The following LINGO2 variants were observed in gnomAD, a reference collection of about 807,000 sequenced individuals.
LINGO2 encodes the protein leucine rich repeat and Ig domain containing 2.
LINGO2 carries 14 observed loss-of-function variants against 30.6 expected under a neutral mutation model. The ratio of observed to expected loss-of-function variants is 0.46; its 90% CI spans 0.30 to 0.72. LINGO2 has a LOEUF of 0.72. Ranked by LOEUF, LINGO2 falls within the 30% of genes least tolerant of loss-of-function variation. The pLI, the probability that LINGO2 is intolerant of heterozygous loss-of-function variation, is 0.07. For missense variants in LINGO2, 729 were observed against 751.7 expected (o/e 0.97, Z 0.35); for synonymous variants, 317 against 288.5 (o/e 1.10, Z -1.00).
intron 4 of LINGO2, among the ~76,000 whole-genome samples, chr9:28,290,965 G>T (rs1466586261): frequency 1.3e-5 from 2 of 152,078 alleles, no homozygotes; most frequent in Admixed American, 6.5e-5. Context: ...GATGAGAATG[G>T]TGTATATAAG....
At chr9:28,654,258 A>T (rs1016184619) in intron 1 of LINGO2, among the ~76,000 whole-genome samples, 2 of 152,144 alleles carry the variant, frequency 1.3e-5, no homozygotes, top group East Asian at 1.9e-4. Context: ...TGCATGGGTC[A>T]TCCAAATCAT....
chr9:28,808,990 T>G, the LINGO2 span, among the ~76,000 whole-genome samples: 2 of 152,226 alleles, frequency 1.3e-5, no homozygotes, highest in African/African-American at 2.4e-5. Flanking sequence ...CAGATTTTTA[T>G]GCACTTATGT....
the LINGO2 span, among the ~76,000 whole-genome samples, chr9:28,801,780 A>C: frequency 6.6e-6 from 1 of 152,128 alleles, no homozygotes; most frequent in African/African-American, 2.4e-5. Flanking sequence ...AAGCAGGTCC[A>C]AGGTTTTAGG....
intron 2 of LINGO2, among the ~76,000 whole-genome samples, chr9:28,389,505 A>C (rs1287609469): frequency 2.0e-5 from 3 of 152,156 alleles, no homozygotes; most frequent in Non-Finnish European, 4.4e-5. Flanking sequence ...GTCTTCCATA[A>C]ATGTTGACAA....
intron 4 of LINGO2, among the ~76,000 whole-genome samples, chr9:28,080,112 G>A (rs1825732509): frequency 6.6e-6 from 1 of 152,150 alleles, no homozygotes; most frequent in Non-Finnish European, 1.5e-5. Context: ...TATTTCCAAG[G>A]CTTTCTATCT....
chr9:28,948,942 A>G, the LINGO2 span, among the ~76,000 whole-genome samples: 1 of 151,936 alleles, frequency 6.6e-6, no homozygotes, highest in Non-Finnish European at 1.5e-5. Context: ...TATGCAAAAG[A>G]GTCCGCTGGG....
chr9:28,637,988 T>C (rs1463363310), intron 1 of LINGO2, among the ~76,000 whole-genome samples: 2 of 152,202 alleles, frequency 1.3e-5, no homozygotes. Context: ...TATTTTGAGA[T>C]ACAACCCATC....
At chr9:28,546,330 G>C (rs763349316) in intron 1 of LINGO2, among the ~76,000 whole-genome samples, 37 of 152,076 alleles carry the variant, frequency 2.4e-4, no homozygotes, top group Non-Finnish European at 3.1e-4. Flanking sequence ...AGTTCTATGT[G>C]ACATGGGAGC....
chr9:28,583,206 C>T (rs1016515445), intron 1 of LINGO2, among the ~76,000 whole-genome samples: 1 of 151,920 alleles, frequency 6.6e-6, no homozygotes, highest in African/African-American at 2.4e-5. Flanking sequence ...AAAATAATTA[C>T]AGCAGAAGTT....
At chr9:28,635,816 G>A (rs1411046806) in intron 1 of LINGO2, among the ~76,000 whole-genome samples, 2 of 151,840 alleles carry the variant, frequency 1.3e-5, no homozygotes, top group African/African-American at 4.8e-5. Flanking sequence ...GAGGTTTTTT[G>A]TTTGTCTGTT....
intron 3 of LINGO2, among the ~76,000 whole-genome samples, chr9:28,320,525 G>T (rs531130139): frequency 2.6e-5 from 4 of 152,218 alleles, no homozygotes; most frequent in African/African-American, 9.6e-5. Flanking sequence ...TATGGCATTA[G>T]ACTTACTTAT....
In LINGO2 at chr9:28,565,507, T is replaced by TA. The variant is rs1403360981; in HGVS notation, c.-364-89483_-364-89482insT. On this transcript the variant is annotated intron_variant, in intron 1 of 5. Transcript: ENST00000379992. ...ATAAGGAAAAATTATTTTTATTTTT[T>TA]TTTTTTTACAGACATCTAGAGACAG... Among the ~76,000 whole-genome samples, 4 of 149,888 alleles carry TA rather than the reference T, an allele frequency of 2.7e-5. No homozygotes were observed. In the East Asian group the frequency reaches 6.0e-4, roughly 23 times the overall value.
At chr9:28,630,955 T>A (rs1387348462) in intron 1 of LINGO2, among the ~76,000 whole-genome samples, 3 of 151,440 alleles carry the variant, frequency 2.0e-5, no homozygotes, top group African/African-American at 4.8e-5. Flanking sequence ...GCATTACTAG[T>A]GTTGATATTA....
intron 1 of LINGO2, among the ~76,000 whole-genome samples, chr9:28,653,634 AT>A (rs1828207210): frequency 6.6e-6 from 1 of 152,200 alleles, no homozygotes; most frequent in African/African-American, 2.4e-5. Context: ...AATGAGAAGA[AT>A]TGATGCAAGG....
intron 2 of LINGO2, among the ~76,000 whole-genome samples, chr9:28,444,031 A>T (rs1254821465): frequency 6.6e-6 from 1 of 152,162 alleles, no homozygotes; most frequent in Non-Finnish European, 1.5e-5. Context: ...AGACTCAGCC[A>T]GACTCAGACT....
upstream of LINGO2, among the ~76,000 whole-genome samples, chr9:28,672,353 T>C (rs1829053751): frequency 6.6e-6 from 1 of 152,196 alleles, no homozygotes; most frequent in African/African-American, 2.4e-5. Context: ...GTATTCACTT[T>C]TTTTGTGCCC....
chr9:28,938,059 G>A, the LINGO2 span, among the ~76,000 whole-genome samples: 1 of 152,168 alleles, frequency 6.6e-6, no homozygotes, highest in Admixed American at 6.5e-5. Context: ...CTGTTCCTGT[G>A]TTAAAGAATA....
At chr9:28,993,240 C>G in the LINGO2 span, among the ~76,000 whole-genome samples, 1 of 152,016 alleles carries the variant, frequency 6.6e-6, no homozygotes, top group Non-Finnish European at 1.5e-5. Flanking sequence ...ACAAACACCT[C>G]TATGCAAATA....
At chr9:28,270,087 A>G (rs1329257114) in intron 4 of LINGO2, among the ~76,000 whole-genome samples, 1 of 152,156 alleles carries the variant, frequency 6.6e-6, no homozygotes, top group African/African-American at 2.4e-5. Context: ...AAGGTTCTGA[A>G]GATACCCTGG....
Sources: allele counts gnomAD v4.1 joint callset (sites outside exome capture counted in the v4.1 genomes callset), GRCh38; gene constraint gnomAD v4.1.1; transcripts MANE v1.5; gene names NCBI Gene and HGNC (gene_info 2026-07-23, HGNC 2026-07-21).